The following SPTBN2 variants were observed in gnomAD, a reference collection of about 807,000 sequenced individuals.
SPTBN2 encodes the protein spectrin beta, non-erythrocytic 2.
SPTBN2 carries 107 observed loss-of-function variants against 284.2 expected under a neutral mutation model. The observed-to-expected ratio is 0.38, with a 90% CI of 0.32 to 0.44. The LOEUF is 0.44. Among genes scored for constraint, SPTBN2 ranks in the 20% least tolerant of loss-of-function variants. The probability of loss-of-function intolerance (pLI) is 1.00; values close to 1 mark genes in which losing one functional copy is unlikely to be tolerated. For missense variants in SPTBN2, 2,569 were observed against 3,287.1 expected, an observed-to-expected ratio of 0.78 and a Z score of 5.34; for synonymous variants, 1,289 against 1,354.8, an observed-to-expected ratio of 0.95 and a Z score of 1.07.
Position 66,721,148 on chromosome 11 carries a change from C to T in SPTBN2, c.93G>A (p.Ser31=), listed in dbSNP as rs750767180. Residue 31 remains serine (S), a synonymous_variant, in exon 3 of 38, where the codon TCG becomes TCA. Transcript: ENST00000533211. ...CCGAGCTGCTGTCATTGTCCCAGTCCGAGTCAGGAAGGTCCCAGCGGTTGT... is the reference window on the plus strand; with the variant it reads ...CCGAGCTGCTGTCATTGTCCCAGTCTGAGTCAGGAAGGTCCCAGCGGTTGT... ...DINNRWDLPD[S]DWDNDSSSAR... is the part of the protein sequence containing the mutation. 5.7e-5 allele frequency: 92 copies of T among 1,614,170 alleles called. No homozygotes were observed. The highest frequency in any genetic ancestry group is 6.9e-5 in the Non-Finnish European group (82 of 1,180,034).
At chr11:66,716,037 A>G (rs1001779027) in intron 3 of SPTBN2, 56 bp from the exon 4 acceptor site, 47 of 1,611,936 alleles carry the variant, frequency 2.9e-5, no homozygotes, top group Non-Finnish European at 3.7e-5. Flanking sequence ...GCCTGCTTCT[A>G]AACACCAGTT....
intron 27 of SPTBN2, among the ~76,000 whole-genome samples, chr11:66,690,809 C>G (rs1467600232): frequency 6.6e-6 from 1 of 152,178 alleles, no homozygotes; most frequent in South Asian, 2.1e-4. Context: ...TAGATGTCCC[C>G]TGCCAGAGAT....
In SPTBN2 at chr11:66,693,590, G is replaced by T; in HGVS notation, c.4594-144C>A. Reference sequence around the variant, plus strand: ...GCCTGGGGGTGCGATGGTAACACCCGTCAGCCGCCCAGCCCCCACTATCTC... The same window carrying T: ...GCCTGGGGGTGCGATGGTAACACCCTTCAGCCGCCCAGCCCCCACTATCTC... On this transcript the variant is annotated intron_variant, in intron 23 of 37. Transcript: ENST00000533211. This position sits in a 1 kb window ranked among gnomAD's most constrained non-coding sequence, Gnocchi z 5.7. 1 of 1,410,542 alleles carries T rather than the reference G, an allele frequency of 7.1e-7. No individual in the cohort carries two copies. Among genetic ancestry groups the T allele is most frequent in the Non-Finnish European group, 9.6e-7 (1 of 1,036,902 alleles). 87.4% of individuals were successfully genotyped at this position (1,410,542 alleles called of 1,614,324 possible).
Position 66,708,931 on chromosome 11 carries a change from C to T in SPTBN2, c.1162G>A (p.Glu388Lys), listed in dbSNP as rs773857389. The T allele has an allele frequency of 2.5e-6, 4 of 1,613,994 alleles. No individual in the cohort carries two copies. The highest frequency in any genetic ancestry group is 2.2e-5 in the East Asian group (1 of 44,864). The change falls in exon 11 of 38, where the codon GAG (glutamate) becomes AAG (lysine). Residue 388 changes from glutamate (E) to lysine (K), a missense_variant. Transcript: ENST00000533211. This position sits in a 1 kb window ranked among gnomAD's most constrained non-coding sequence, Gnocchi z 4.4. Reference protein sequence around the residue: ...ANNQKVYTPREGRLISDINKA... With the variant: ...ANNQKVYTPRKGRLISDINKA... ...TTGATGTCCGAGATGAGCCGGCCCT[C>T]GCGGGGCGTGTAGACCTTCTGGTTG...
In SPTBN2 at chr11:66,691,349, C is replaced by T. The variant is rs745978030; in HGVS notation, c.5500G>A (p.Ala1834Thr). ...TGTCGGCGCTGCAGGGCCTCGGCAG[C>T]GTTGAGGTCGCGGCCAGTCCCGTCC... ...LPDGTGRDLN[A>T]AEALQRRHCA... The change falls in exon 27 of 38, where the codon GCT becomes ACT. Residue 1834 changes from alanine to threonine, a missense_variant. Ala to Thr is a moderately conservative substitution (Grantham distance 58). Around this residue, in one of 6 missense-constraint regions of SPTBN2, gnomAD observed 1,130 missense variants for 1,317.3 expected, o/e 0.86. Coordinates refer to ENST00000533211, the MANE Select transcript of SPTBN2 (RefSeq NM_006946.4). This position sits in a 1 kb window ranked among gnomAD's most constrained non-coding sequence, Gnocchi z 8.0. 5 of 1,572,692 alleles carry T rather than the reference C, an allele frequency of 3.2e-6. No homozygotes were observed. Among genetic ancestry groups the T allele is most frequent in the East Asian group, 2.3e-5 (1 of 44,310 alleles).
At chr11:66,727,368 A>G (rs1033813398) in intron 1 of SPTBN2, among the ~76,000 whole-genome samples, 18 of 152,198 alleles carry the variant, frequency 1.2e-4, no homozygotes, top group African/African-American at 4.3e-4. Flanking sequence ...GGCAGACGAC[A>G]TGTAGCAGGT....
chr11:66,710,983 C>T lies in SPTBN2; in HGVS notation c.819G>A (p.Val273=), dbSNP rs775442834. 3 of 1,614,188 alleles carry T rather than the reference C, an allele frequency of 1.9e-6. No individual in the cohort carries two copies. The highest frequency in any genetic ancestry group is 2.2e-5 in the East Asian group (1 of 44,880). ...TGGAGAAGTAATGGTAGTAAGTAGC[C>T]ACATAGGTAATGATTGACTTCTCAT... ...QPDEKSIITY[V]ATYYHYFSKM... The change falls in exon 9 of 38, where the codon GTG becomes GTA. Residue 273 remains valine, a synonymous_variant. Coordinates refer to ENST00000533211, the MANE Select transcript of SPTBN2 (RefSeq NM_006946.4). This position sits in a 1 kb window ranked among gnomAD's most constrained non-coding sequence, Gnocchi z 4.9.
At chr11:66,690,839 C>T (rs1018909424) in intron 27 of SPTBN2, among the ~76,000 whole-genome samples, 10 of 152,286 alleles carry the variant, frequency 6.6e-5, no homozygotes, top group South Asian at 2.1e-4. Flanking sequence ...CTTTTTGAGA[C>T]GGAGTTTCGC....
rs376920607 is a variant in SPTBN2 at position 66,687,899 on chromosome 11, C to T, written c.6470G>A (p.Arg2157Lys). The T allele has an allele frequency of 4.6e-5, 74 of 1,614,172 alleles. No individual in the cohort carries two copies. The highest frequency in any genetic ancestry group is 1.0e-4 in the Admixed American group (6 of 60,020). ...EPSQPLLGQQ[R>K]LEHSSFPEGP... ...TTCGGGGAAGCTGCTGTGCTCAAGTCTCTGTTGTCCCAGCAGGGGCTGCAA... is the reference window on the plus strand; with the variant it reads ...TTCGGGGAAGCTGCTGTGCTCAAGTTTCTGTTGTCCCAGCAGGGGCTGCAA... Residue 2157 changes from arginine to lysine, a missense_variant, in exon 34 of 38, where the codon AGA becomes AAA. Arg to Lys is a conservative substitution (Grantham distance 26). Transcript: ENST00000533211. The surrounding 1 kb of genome is among the most constrained non-coding windows in gnomAD (Gnocchi z 5.2).
Position 66,685,832 on chromosome 11 carries a change from G to T in SPTBN2, c.*39C>A. 6.3e-7 allele frequency: 1 copy of T among 1,596,654 alleles called. No homozygotes were observed. Among genetic ancestry groups the T allele is most frequent in the South Asian group, 1.1e-5 (1 of 90,448 alleles). ...TGTCGACTGTCCCTGGCAGTTTCCTGAACGGAGGGAGGGAGTTGGCCTGGG... is the reference window on the plus strand; with the variant it reads ...TGTCGACTGTCCCTGGCAGTTTCCTTAACGGAGGGAGGGAGTTGGCCTGGG... On this transcript the variant is annotated 3_prime_UTR_variant, in exon 38 of 38. Coordinates refer to ENST00000533211, the MANE Select transcript of SPTBN2 (RefSeq NM_006946.4). This position sits in a 1 kb window ranked among gnomAD's most constrained non-coding sequence, Gnocchi z 4.4.
chr11:66,722,216 CAT>C (rs1187673512), intron 1 of SPTBN2, among the ~76,000 whole-genome samples: 2 of 152,138 alleles, frequency 1.3e-5, no homozygotes, highest in Non-Finnish European at 1.5e-5. Context: ...ATCACGTCAC[CAT>C]AACTCCCTGT....
intron 1 of SPTBN2, among the ~76,000 whole-genome samples, chr11:66,735,078 A>C (rs1263063453): frequency 6.6e-6 from 1 of 152,176 alleles, no homozygotes; most frequent in Non-Finnish European, 1.5e-5. Context: ...CCTGCCTGTA[A>C]TCCCAGTATT....
intron 1 of SPTBN2, chr11:66,728,250 C>A: frequency 7.0e-6 from 1 of 143,778 alleles, no homozygotes; most frequent in South Asian, 2.2e-4. Context: ...CCGCGACGGG[C>A]GGTTGCAGGC....
In SPTBN2 at chr11:66,715,520, C is replaced by A; in HGVS notation, c.310-125G>T. 1 of 1,330,156 alleles carries A rather than the reference C, an allele frequency of 7.5e-7. No individual in the cohort carries two copies. 82.4% of individuals were successfully genotyped at this position (1,330,156 alleles called of 1,614,324 possible). ...CCTCAGGAACACAGACAGGCACAGC[C>A]CCAGGGCTGGAGCCAAAGCTGAGCT... On this transcript the variant is annotated intron_variant, in intron 4 of 37. Transcript: ENST00000533211. This position sits in a 1 kb window ranked among gnomAD's most constrained non-coding sequence, Gnocchi z 5.3.
intron 3 of SPTBN2, among the ~76,000 whole-genome samples, chr11:66,719,368 C>A (rs1469888202): frequency 1.3e-5 from 2 of 152,246 alleles, no homozygotes; most frequent in African/African-American, 4.8e-5. Context: ...ACCAGGCGCC[C>A]TTCCTCTGGG....
chr11:66,696,500 G>A lies in SPTBN2; in HGVS notation c.4055C>T (p.Ala1352Val). ...GTCTCTCAGCTTCTCCGACACCAGG[G>A]CTTTCAGCTCTGGCTTCTCAAGGGT... ...ELTLEKPELK[A>V]LVSEKLRDLH... The change falls in exon 21 of 38, where the codon GCC (alanine) becomes GTC (valine). Residue 1352 changes from alanine to valine, a missense_variant. Around this residue, in one of 6 missense-constraint regions of SPTBN2, gnomAD observed 50 missense variants for 48.1 expected, o/e 1.04. Coordinates refer to ENST00000533211, the MANE Select transcript of SPTBN2 (RefSeq NM_006946.4). 1 of 1,612,118 alleles carries A rather than the reference G, an allele frequency of 6.2e-7. No homozygotes were observed. The highest frequency in any genetic ancestry group is 1.1e-5 in the South Asian group (1 of 91,092).
rs900208502 is a variant in SPTBN2, at chr11:66,705,233, G to A, written c.2043C>T (p.Asn681=). 2 of 1,557,892 alleles carry A rather than the reference G, an allele frequency of 1.3e-6. No homozygotes were observed. The change falls in exon 15 of 38, where the codon AAC becomes AAT. Residue 681 remains asparagine (N), a synonymous_variant. Coordinates refer to ENST00000533211, the MANE Select transcript of SPTBN2 (RefSeq NM_006946.4). ...RDLTGALRLL[N]KHTALRGEMS... ...TCTCGCCCCGCAGGGCTGTGTGCTT[G>A]TTGAGCAGGCGGAGGGCACCGGTCA... is the stretch of plus-strand genomic sequence containing the variant.
intron 3 of SPTBN2, among the ~76,000 whole-genome samples, chr11:66,716,796 G>A (rs1371370911): frequency 6.6e-6 from 1 of 152,240 alleles, no homozygotes; most frequent in African/African-American, 2.4e-5. Flanking sequence ...CTGGCCCGAA[G>A]GAGAGCAAGA....
Position 66,682,668 on chromosome 11 carries a change from C to T in SPTBN2, c.*3203G>A, listed in dbSNP as rs1939865553. Among the ~76,000 whole-genome samples the T allele has an allele frequency of 6.6e-6, 1 of 152,194 alleles. No individual in the cohort carries two copies. The highest frequency in any genetic ancestry group is 1.5e-5 in the Non-Finnish European group (1 of 68,038). On this transcript the variant is annotated 3_prime_UTR_variant, in exon 38 of 38. Coordinates refer to ENST00000533211, the MANE Select transcript of SPTBN2 (RefSeq NM_006946.4). The stretch of plus-strand genomic sequence containing the variant: ...TGGTTTGGCTACATCTCAGTAGCCA[C>T]ACATGGCTGGGTGGCTGCTGCTGTG...
Sources: gnomAD v4.1 joint callset for allele counts (sites outside exome capture counted in the v4.1 genomes callset) on GRCh38, gnomAD v4.1.1 for gene constraint, gnomAD v4.1.1 regional missense constraint, Gnocchi (gnomAD v3.1) non-coding constraint, MANE v1.5 for transcripts, NCBI Gene and HGNC (gene_info 2026-07-23, HGNC 2026-07-21) for gene names.